LTBR: variants seen among roughly 807,000 people sequenced by gnomAD.
LTBR encodes tumor necrosis factor receptor superfamily member 3.
Under a neutral mutation model 45.4 loss-of-function variants are expected in LTBR, and 15 were observed. That is an observed-to-expected ratio of 0.33 (90% CI 0.22 to 0.51). The LOEUF (loss-of-function observed/expected upper bound fraction) is 0.51. Ranked by LOEUF, LTBR falls within the 20% of genes least tolerant of loss-of-function variation. The pLI, the probability that LTBR is intolerant of heterozygous loss-of-function variation, is 0.97. For synonymous variants in LTBR, 228 were observed against 231.0 expected (o/e 0.99, Z 0.12); for missense variants, 450 against 565.5 (o/e 0.80, Z 2.07).
chr12:6,389,981 AAG>A (rs969223155), intron 8 of LTBR, 129 bp from the exon 9 acceptor site: 8,735 of 498,494 alleles, frequency 0.018, 1 homozygote, highest in South Asian at 0.021. Flanking sequence ...GAGAGAGAGA[AAG>A]AGAGAGAGAG....
chr12:6,390,020 AAGAGAAAG>A (rs1949092707), intron 8 of LTBR, 84 bp from the exon 9 acceptor site: 1 of 794,924 alleles, frequency 1.3e-6, no homozygotes, highest in South Asian at 1.5e-5. Flanking sequence ...GAAAGAAAGA[AAGAGAAAG>A]AGAGAAAGAA....
At chr12:6,375,430 C>T in exon 1 of LTBR, 1 of 1,532,666 alleles carries the variant, frequency 6.5e-7, no homozygotes, top group Non-Finnish European at 8.7e-7. Context: ...CAGCTTCCCA[C>T]TCCCAGGTTG....
intron 1 of LTBR, chr12:6,377,370 A>G: frequency 1.0e-6 from 1 of 987,422 alleles, no homozygotes; most frequent in South Asian, 1.4e-5. Context: ...AGAAAACAAA[A>G]TAGGAGCAGA....
In LTBR at chr12:6,384,580, C is replaced by G; in HGVS notation, c.97-8C>G. ...TTCTTCTCTCCTCTTCTCCATCTCC[C>G]TTTGAAGGTGCCTCCATATGCGTCG... On this transcript the variant is annotated splice_polypyrimidine_tract_variant and splice_region_variant and intron_variant, in intron 1 of 9. Coordinates refer to ENST00000228918, the MANE Select transcript of LTBR (RefSeq NM_002342.3). 1 of 1,613,560 alleles carries G rather than the reference C, an allele frequency of 6.2e-7. No homozygotes were observed.
At chr12:6,384,894 C>T in intron 2 of LTBR, 128 bp from the exon 3 acceptor site, 4 of 1,292,282 alleles carry the variant, frequency 3.1e-6, no homozygotes, top group Admixed American at 3.7e-5. Flanking sequence ...GAGAGGGAGC[C>T]GGAGGGCCAC....
chr12:6,384,471 G>A lies in LTBR; in HGVS notation c.96+17G>A. 1 of 1,567,488 alleles carries A rather than the reference G, an allele frequency of 6.4e-7. No homozygotes were observed. ...CCCCAGGCGGTGAGGAAGGGGCCTG[G>A]TAGGAGTGGGCGAGGGTGGGCAAGA... is the stretch of plus-strand genomic sequence containing the variant. On this transcript the variant is annotated intron_variant, in intron 1 of 9. Coordinates refer to ENST00000228918, the MANE Select transcript of LTBR (RefSeq NM_002342.3).
In LTBR at chr12:6,386,654, C is replaced by A; in HGVS notation, c.667+210C>A. The A allele has an allele frequency of 3.6e-6, 2 of 558,542 alleles. No individual in the cohort carries two copies. Among genetic ancestry groups the A allele is most frequent in the South Asian group, 2.4e-5 (1 of 42,540 alleles). 34.6% of individuals were successfully genotyped at this position (558,542 alleles called of 1,614,324 possible). A position where few individuals can be genotyped will look rare whatever the true frequency, so the allele number is the denominator to read the frequency against. On this transcript the variant is annotated intron_variant, in intron 6 of 9. Transcript: ENST00000228918. The surrounding 1 kb of genome is among the most constrained non-coding windows in gnomAD (Gnocchi z 4.1). ...ACACACACTTTTAAAATTATATATA[C>A]TGTAATACTATGTCAAGGAACACAT...
rs1555117351 is a variant in LTBR, at chr12:6,386,469, C to CG, written c.667+33dup. The CG allele has an allele frequency of 6.7e-3, 9,841 of 1,471,106 alleles. 105 individuals carry two copies. The highest frequency in any genetic ancestry group is 0.036 in the Admixed American group (2,073 of 57,814). 91.1% of individuals were successfully genotyped at this position (1,471,106 alleles called of 1,614,324 possible). A position where few individuals can be genotyped will look rare whatever the true frequency, so the allele number is the denominator to read the frequency against. On this transcript the variant is annotated intron_variant, in intron 6 of 9. Transcript: ENST00000228918. This position sits in a 1 kb window ranked among gnomAD's most constrained non-coding sequence, Gnocchi z 4.1. ...GGTGAGGGACCAGGGCTGAGGGACA[C>CG]GGGGGGGGCGCCTCTGAAAATGCCT... is the stretch of plus-strand genomic sequence containing the variant.
At chr12:6,378,257 G>T (rs963187772) in intron 1 of LTBR, among the ~76,000 whole-genome samples, 6 of 152,148 alleles carry the variant, frequency 3.9e-5, no homozygotes, top group Admixed American at 2.0e-4. Context: ...CATGCTATAG[G>T]TATGTTTCTA....
chr12:6,377,333 C>A, intron 1 of LTBR: 1 of 1,393,828 alleles, frequency 7.2e-7, no homozygotes, highest in Non-Finnish European at 9.9e-7. Context: ...CTGACCCTTC[C>A]CAAGGATAAA....
Position 6,391,067 on chromosome 12 carries a change from C to A in LTBR, c.*130C>A. ...AGCAGAGCCCTAAGGGATTAAGGCTCAGACACCTCTGAGAGCAGGTGGGCA... is the reference window on the plus strand; with the variant it reads ...AGCAGAGCCCTAAGGGATTAAGGCTAAGACACCTCTGAGAGCAGGTGGGCA... On this transcript the variant is annotated 3_prime_UTR_variant, in exon 10 of 10. Coordinates refer to ENST00000228918, the MANE Select transcript of LTBR (RefSeq NM_002342.3). 1.0e-6 allele frequency: 1 copy of A among 975,250 alleles called. No homozygotes were observed. Among genetic ancestry groups the A allele is most frequent in the Non-Finnish European group, 1.4e-6 (1 of 695,002 alleles). The allele number at this position is 975,250 out of a possible 1,614,324, so 60.4% of individuals were successfully genotyped here.
intron 4 of LTBR, 67 bp from the exon 5 acceptor site, chr12:6,385,999 C>G: frequency 8.9e-7 from 1 of 1,118,516 alleles, no homozygotes; most frequent in Admixed American, 1.7e-5. Context: ...AAAGGAAACT[C>G]ACAGGCCGGC....
intron 1 of LTBR, chr12:6,375,692 C>T (rs915273743): frequency 1.4e-6 from 2 of 1,441,494 alleles, no homozygotes; most frequent in South Asian, 1.4e-5. Flanking sequence ...GAGTACTGGA[C>T]CTGAGAAGGC....
chr12:6,383,633 C>T (rs1001673416), upstream of LTBR, among the ~76,000 whole-genome samples: 1 of 152,158 alleles, frequency 6.6e-6, no homozygotes, highest in African/African-American at 2.4e-5. Context: ...CACTCCTGTG[C>T]GGATTGGGCT....
At position 6,390,991 on chromosome 12, in the gene LTBR, A is replaced by AGGCT; in HGVS notation, c.*56_*59dup. ...GGGCACAAGGGCACCTTCTCCCTTG[A>AGGCT]GGCTGCCCTGCCCACGTGGGATTCA... On this transcript the variant is annotated 3_prime_UTR_variant, in exon 10 of 10. Coordinates refer to ENST00000228918, the MANE Select transcript of LTBR (RefSeq NM_002342.3). 1 of 1,483,224 alleles carries AGGCT rather than the reference A, an allele frequency of 6.7e-7. No individual in the cohort carries two copies. Among genetic ancestry groups the AGGCT allele is most frequent in the South Asian group, 1.4e-5 (1 of 69,424 alleles). The allele number at this position is 1,483,224 out of a possible 1,614,324, so 91.9% of individuals were successfully genotyped here. A position where few individuals can be genotyped will look rare whatever the true frequency, so the allele number is the denominator to read the frequency against.
intron 1 of LTBR, among the ~76,000 whole-genome samples, chr12:6,376,432 C>T (rs1161686911): frequency 1.3e-5 from 2 of 152,120 alleles, no homozygotes; most frequent in Non-Finnish European, 2.9e-5. Context: ...GCGAGGGCCA[C>T]GCAGGACACT....
chr12:6,376,399 G>C (rs890208277), intron 1 of LTBR, among the ~76,000 whole-genome samples: 3 of 152,232 alleles, frequency 2.0e-5, no homozygotes, highest in African/African-American at 7.2e-5. Flanking sequence ...AGAGTTGCAG[G>C]AATGTGGGCA....
chr12:6,381,517 G>A (rs1371593786), upstream of LTBR, among the ~76,000 whole-genome samples: 1 of 152,246 alleles, frequency 6.6e-6, no homozygotes, highest in Non-Finnish European at 1.5e-5. Context: ...TCGTTCCTTA[G>A]GGTGTAGAGA....
rs756172405 is a variant in LTBR at position 6,386,362 on chromosome 12, T to C, written c.585T>C (p.Gly195=). Residue 195 remains glycine, a synonymous_variant, in exon 6 of 10, where the codon GGT becomes GGC. Transcript: ENST00000228918. The surrounding 1 kb of genome is among the most constrained non-coding windows in gnomAD (Gnocchi z 4.1). Reference sequence around the variant, plus strand: ...TCCTCTGCAGGTGTGAGAACCAAGGTCTGGTGGAGGCAGCTCCAGGCACTG... The same window carrying C: ...TCCTCTGCAGGTGTGAGAACCAAGGCCTGGTGGAGGCAGCTCCAGGCACTG... The part of the protein sequence containing the change: ...CQPHTRCENQ[G]LVEAAPGTAQ... 6.2e-7 allele frequency: 1 copy of C among 1,613,592 alleles called. No individual in the cohort carries two copies. The highest frequency in any genetic ancestry group is 8.5e-7 in the Non-Finnish European group (1 of 1,179,864).
Sources: gnomAD v4.1 joint callset for allele counts (sites outside exome capture counted in the v4.1 genomes callset) on GRCh38, gnomAD v4.1.1 for gene constraint, Gnocchi (gnomAD v3.1) non-coding constraint, MANE v1.5 for transcripts, NCBI Gene and HGNC (gene_info 2026-07-23, HGNC 2026-07-21) for gene names.